Variants in PTBP3 observed in about 807,000 individuals in gnomAD.
The protein encoded by PTBP3 is polypyrimidine tract binding protein 3.
In PTBP3, 20 loss-of-function variants were observed where a neutral mutation model predicts 58.7. That is an observed-to-expected ratio of 0.34 (90% CI 0.24 to 0.50). The LOEUF (loss-of-function observed/expected upper bound fraction) is 0.50, where lower values mean the gene tolerates loss of function less well. Ranked by LOEUF, PTBP3 falls within the 20% of genes least tolerant of loss-of-function variation. PTBP3 has a pLI of 0.98. For synonymous variants in PTBP3, 185 were observed against 219.8 expected (o/e 0.84, Z 1.40); for missense variants, 509 against 637.2 (o/e 0.80, Z 2.17).
intron 5 of PTBP3, 66 bp from the exon 6 acceptor site, chr9:112,252,854 T>A: frequency 2.2e-6 from 2 of 917,982 alleles, no homozygotes; most frequent in Non-Finnish European, 3.3e-6. Context: ...TCTTTATAAA[T>A]ACAACTTGTT....
At chr9:112,287,489 C>A (rs1000617108) in intron 2 of PTBP3, among the ~76,000 whole-genome samples, 1 of 151,850 alleles carries the variant, frequency 6.6e-6, no homozygotes, top group Non-Finnish European at 1.5e-5. Flanking sequence ...TACCGGTGCA[C>A]ACCACCACGC....
chr9:112,352,575 G>A, the PTBP3 span, among the ~76,000 whole-genome samples: 1 of 152,154 alleles, frequency 6.6e-6, no homozygotes, highest in African/African-American at 2.4e-5. Flanking sequence ...GAACCCCAGG[G>A]TGTATTTCTT....
chr9:112,278,758 G>A (rs1032133182), intron 2 of PTBP3, among the ~76,000 whole-genome samples: 2 of 152,134 alleles, frequency 1.3e-5, no homozygotes, highest in African/African-American at 2.4e-5. Context: ...GTTATTTAAC[G>A]TTACTAAGCC....
the PTBP3 span, among the ~76,000 whole-genome samples, chr9:112,347,638 AT>A: frequency 6.6e-6 from 1 of 152,148 alleles, no homozygotes; most frequent in Admixed American, 6.6e-5. Context: ...CTACTGTACC[AT>A]TTTTATAATG....
At chr9:112,378,294 T>C in the PTBP3 span, among the ~76,000 whole-genome samples, 1 of 152,356 alleles carries the variant, frequency 6.6e-6, no homozygotes, top group African/African-American at 2.4e-5. Context: ...TTGCCTTCTG[T>C]GAAAGCCATC....
At chr9:112,276,451 T>A (rs1221311020) in intron 2 of PTBP3, among the ~76,000 whole-genome samples, 1 of 152,208 alleles carries the variant, frequency 6.6e-6, no homozygotes, top group Non-Finnish European at 1.5e-5. Flanking sequence ...ATTTATCACA[T>A]CCTAAGGAGA....
At chr9:112,259,289 T>C (rs1836497243) in intron 5 of PTBP3, among the ~76,000 whole-genome samples, 1 of 152,148 alleles carries the variant, frequency 6.6e-6, no homozygotes, top group African/African-American at 2.4e-5. Flanking sequence ...GTGATTCTGC[T>C]AAAACATAAA....
the PTBP3 span, among the ~76,000 whole-genome samples, chr9:112,340,575 T>C: frequency 4.4e-4 from 67 of 152,330 alleles, no homozygotes; most frequent in Middle Eastern, 6.8e-3. Flanking sequence ...TATTGTCTTA[T>C]CTATGTTTTA....
At chr9:112,289,332 A>C (rs546474001) in intron 2 of PTBP3, among the ~76,000 whole-genome samples, 1 of 152,172 alleles carries the variant, frequency 6.6e-6, no homozygotes, top group African/African-American at 2.4e-5. Context: ...TACATTGCTT[A>C]TATCATCTTT....
At chr9:112,366,913 G>A in the PTBP3 span, among the ~76,000 whole-genome samples, 1 of 152,300 alleles carries the variant, frequency 6.6e-6, no homozygotes, top group East Asian at 1.9e-4. Context: ...AAAGCCACAG[G>A]GGTGGAGCTG....
chr9:112,229,379 C>T (rs1453285629), intron 10 of PTBP3, among the ~76,000 whole-genome samples: 1 of 152,020 alleles, frequency 6.6e-6, no homozygotes, highest in East Asian at 1.9e-4. Flanking sequence ...GCCTGGCCAA[C>T]ATGGGGAAAC....
chr9:112,312,125 GTC>G (rs1564455217), intron 1 of PTBP3, among the ~76,000 whole-genome samples: 1 of 152,134 alleles, frequency 6.6e-6, no homozygotes, highest in Non-Finnish European at 1.5e-5. Flanking sequence ...ATAAACTCTA[GTC>G]TCAAAGCATC....
the PTBP3 span, among the ~76,000 whole-genome samples, chr9:112,364,221 C>G: frequency 8.7e-6 from 1 of 114,704 alleles, no homozygotes; most frequent in Non-Finnish European, 1.7e-5. Flanking sequence ...CAGGGTCTCA[C>G]AGTAGCAAGA....
At chr9:112,277,043 T>C (rs886554640) in intron 2 of PTBP3, among the ~76,000 whole-genome samples, 1 of 152,172 alleles carries the variant, frequency 6.6e-6, no homozygotes, top group Admixed American at 6.5e-5. Context: ...CAATCAAATG[T>C]CTGTAACCCT....
chr9:112,225,843 T>TA (rs1342411555), intron 12 of PTBP3, among the ~76,000 whole-genome samples: 2 of 152,210 alleles, frequency 1.3e-5, no homozygotes, highest in East Asian at 3.9e-4. Flanking sequence ...GCTCAGAAGT[T>TA]AGAGATCTGC....
chr9:112,326,412 G>A (rs1436773219), intron 1 of PTBP3, among the ~76,000 whole-genome samples: 4 of 152,216 alleles, frequency 2.6e-5, no homozygotes, highest in African/African-American at 7.2e-5. Context: ...AATGAGCACA[G>A]CTGTGTTTCA....
Position 112,311,934 on chromosome 9 carries a change from T to C in PTBP3, c.-51-14018A>G, listed in dbSNP as rs533854021. Among the ~76,000 whole-genome samples the C allele has an allele frequency of 1.8e-4, 28 of 152,254 alleles. No individual in the cohort carries two copies. In the South Asian group the frequency reaches 5.2e-3, roughly 28 times the overall value. Reference sequence around the variant, plus strand: ...TGTGAGTAGCCACTGCACTTCAGCCTGGGCAACATAGTGAAATCCCACATC... The same window carrying C: ...TGTGAGTAGCCACTGCACTTCAGCCCGGGCAACATAGTGAAATCCCACATC... On this transcript the variant is annotated intron_variant, in intron 1 of 13. Coordinates refer to ENST00000374257, the MANE Select transcript of PTBP3 (RefSeq NM_001163788.4).
At chr9:112,289,608 C>G (rs1319740451) in intron 2 of PTBP3, among the ~76,000 whole-genome samples, 1 of 152,090 alleles carries the variant, frequency 6.6e-6, no homozygotes. Context: ...CAGGGAGACC[C>G]AGACTCTACA....
chr9:112,287,118 T>C (rs1429485188), intron 2 of PTBP3, among the ~76,000 whole-genome samples: 1 of 152,166 alleles, frequency 6.6e-6, no homozygotes, highest in East Asian at 1.9e-4. Context: ...AGCCTGGGTG[T>C]GGTTTCCGTT....
Sources: gnomAD v4.1 joint callset for allele counts (sites outside exome capture counted in the v4.1 genomes callset) on GRCh38, gnomAD v4.1.1 for gene constraint, MANE v1.5 for transcripts, NCBI Gene and HGNC (gene_info 2026-07-23, HGNC 2026-07-21) for gene names.